The following CBX2 variants were observed in gnomAD, a reference collection of about 807,000 sequenced individuals.
CBX2 encodes the protein chromobox 2.
A neutral mutation model predicts 21.0 loss-of-function variants in CBX2; 11 were observed. The ratio of observed to expected loss-of-function variants is 0.52; its 90% CI spans 0.33 to 0.87. The LOEUF (loss-of-function observed/expected upper bound fraction) is 0.87. Ranked by LOEUF, CBX2 falls within the 40% of genes least tolerant of loss-of-function variation. CBX2 has a pLI of 0.02. For synonymous variants in CBX2, 364 were observed against 304.6 expected (o/e 1.19, Z -2.03); for missense variants, 746 against 724.3 (o/e 1.03, Z -0.34).
intron 3 of CBX2, among the ~76,000 whole-genome samples, chr17:79,780,999 C>G (rs1473083947): frequency 1.3e-5 from 2 of 151,964 alleles, no homozygotes; most frequent in African/African-American, 2.4e-5. Context: ...CAGGCTTTCC[C>G]TGGGGGCTGG....
chr17:79,781,886 T>C, intron 4 of CBX2, 85 bp downstream of exon 4: 1 of 1,614,136 alleles, frequency 6.2e-7, no homozygotes, highest in African/African-American at 1.3e-5. Context: ...TTTGGGGCCC[T>C]CAGGAAGGGG....
In CBX2 at chr17:79,782,689, TG is replaced by T. The variant is rs140556678; in HGVS notation, c.288+893del. ...AAAATCTTCCTTTTGAGCAGGATTG[TG>T]GGGGCTGCAGGAGTTCTGCTGACTG... On this transcript the variant is annotated intron_variant, in intron 4 of 4. Transcript: ENST00000310942. Among the ~76,000 whole-genome samples the T allele has an allele frequency of 4.9e-3, 749 of 152,222 alleles. 6 individuals carry two copies. The highest frequency in any genetic ancestry group is 0.017 in the African/African-American group (716 of 41,544).
At position 79,778,163 on chromosome 17, in the gene CBX2, G is replaced by T. The variant is rs1229006286; in HGVS notation, c.-73G>T. On this transcript the variant is annotated 5_prime_UTR_variant, in exon 1 of 5. Transcript: ENST00000310942. This position sits in a 1 kb window ranked among gnomAD's most constrained non-coding sequence, Gnocchi z 4.8. ...GGGCGGGGGCGGTGCTTTGTGTGCT[G>T]CCGGCGGGGCGCGCGGCGGTCCGGG... 7.8e-6 allele frequency: 7 copies of T among 899,792 alleles called. No homozygotes were observed. Among genetic ancestry groups the T allele is most frequent in the African/African-American group, 5.4e-5 (3 of 55,414 alleles). 55.7% of individuals were successfully genotyped at this position (899,792 alleles called of 1,614,324 possible). A position where few individuals can be genotyped will look rare whatever the true frequency, so the allele number is the denominator to read the frequency against.
Position 79,778,203 on chromosome 17 carries a change from C to G in CBX2, c.-33C>G. The G allele has an allele frequency of 1.6e-6, 2 of 1,276,746 alleles. No individual in the cohort carries two copies. The highest frequency in any genetic ancestry group is 3.1e-5 in the African/African-American group (2 of 63,668). The allele number at this position is 1,276,746 out of a possible 1,614,324, so 79.1% of individuals were successfully genotyped here. A position where few individuals can be genotyped will look rare whatever the true frequency, so the allele number is the denominator to read the frequency against. On this transcript the variant is annotated 5_prime_UTR_variant, in exon 1 of 5. Coordinates refer to ENST00000310942, the MANE Select transcript of CBX2 (RefSeq NM_005189.3). The surrounding 1 kb of genome is among the most constrained non-coding windows in gnomAD (Gnocchi z 4.8). ...GGCGGTCCGGGCGGGTGACTGGCGGCGGGCGCCGCGGTCGGGCTGGCTGCC... is the reference window on the plus strand; with the variant it reads ...GGCGGTCCGGGCGGGTGACTGGCGGGGGGCGCCGCGGTCGGGCTGGCTGCC...
chr17:79,779,243 A>G (rs549152303), intron 2 of CBX2, 119 bp from the exon 3 acceptor site: 97 of 904,484 alleles, frequency 1.1e-4, no homozygotes, highest in South Asian at 7.5e-4. Flanking sequence ...CCATGGTGCT[A>G]CGGTGCCACT....
rs1418253407 is a variant in CBX2 at position 79,778,320 on chromosome 17, C to T, written c.72+13C>T. On this transcript the variant is annotated intron_variant, in intron 1 of 4. Transcript: ENST00000310942. This position sits in a 1 kb window ranked among gnomAD's most constrained non-coding sequence, Gnocchi z 4.8. Reference sequence around the variant, plus strand: ...GCGGCTCCGCAAGGTGCGTGCGGCCCGCCGGGCCCCCCGCCCGCCGCCCGC... The same window carrying T: ...GCGGCTCCGCAAGGTGCGTGCGGCCTGCCGGGCCCCCCGCCCGCCGCCCGC... The T allele has an allele frequency of 1.2e-5, 19 of 1,562,998 alleles. No individual in the cohort carries two copies. The East Asian group carries it at 3.0e-4, about 25-fold the overall frequency.
In CBX2 at chr17:79,787,616, C is replaced by T. The variant is rs1309827285; in HGVS notation, c.*2574C>T. On this transcript the variant is annotated 3_prime_UTR_variant, in exon 5 of 5. Coordinates refer to ENST00000310942, the MANE Select transcript of CBX2 (RefSeq NM_005189.3). ...TGTTTGTGTTTGTGTAGCTAGGTAT[C>T]TGGCACTTCTGACGATGCATTGTTG... 1 of 152,398 alleles carries T rather than the reference C, an allele frequency of 6.6e-6. No individual in the cohort carries two copies. The highest frequency in any genetic ancestry group is 1.5e-5 in the Non-Finnish European group (1 of 68,020). The allele number at this position is 152,398 out of a possible 1,614,324, so 9.4% of individuals were successfully genotyped here.
In CBX2 at chr17:79,782,531, T is replaced by C. The variant is rs1367466061; in HGVS notation, c.288+730T>C. The C allele has an allele frequency of 5.4e-6, 6 of 1,115,946 alleles. No individual in the cohort carries two copies. In the East Asian group the frequency reaches 2.5e-4, roughly 47 times the overall value. The allele number at this position is 1,115,946 out of a possible 1,614,324, so 69.1% of individuals were successfully genotyped here. On this transcript the variant is annotated intron_variant, in intron 4 of 4. Coordinates refer to ENST00000310942, the MANE Select transcript of CBX2 (RefSeq NM_005189.3). ...GATTCCCTCCTCCGGGCACTGTCCCTGGACCTTCGCGTGTTGTGGCCACGA... is the reference window on the plus strand; with the variant it reads ...GATTCCCTCCTCCGGGCACTGTCCCCGGACCTTCGCGTGTTGTGGCCACGA...
chr17:79,783,475 T>C (rs1278874402), intron 4 of CBX2, among the ~76,000 whole-genome samples: 1 of 151,442 alleles, frequency 6.6e-6, no homozygotes, highest in African/African-American at 2.4e-5. Flanking sequence ...AGTGGCACAA[T>C]CTTGGCTCAC....
rs115374900 is a variant in CBX2 at position 79,781,575 on chromosome 17, C to T, written c.183-121C>T. ...CCTTGGGTATTTGATGATGTGTTTG[C>T]GGCAAACAGGATAAGCTATTACAGG... On this transcript the variant is annotated intron_variant, in intron 3 of 4. Transcript: ENST00000310942. 2,490 of 861,980 alleles carry T rather than the reference C, an allele frequency of 2.9e-3. 49 individuals carry two copies. In the African/African-American group the frequency reaches 0.036, roughly 13 times the overall value. The allele number at this position is 861,980 out of a possible 1,614,324, so 53.4% of individuals were successfully genotyped here.
At chr17:79,783,639 A>C (rs1907398967) in intron 4 of CBX2, 93 bp from the exon 5 acceptor site, 1 of 1,086,498 alleles carries the variant, frequency 9.2e-7, no homozygotes, top group Non-Finnish European at 1.4e-6. Context: ...TGAACTCCTG[A>C]CCTCAGGTGA....
upstream of CBX2, among the ~76,000 whole-genome samples, chr17:79,777,917 GCCCCCA>G (rs1308167126): frequency 1.4e-5 from 2 of 142,786 alleles, no homozygotes; most frequent in African/African-American, 5.3e-5. Flanking sequence ...GCCCGCCCGC[GCCCCCA>G]CCCCCGCCCC....
chr17:79,778,552 G>A lies in CBX2; in HGVS notation c.116+125G>A. ...GCGGGCAGAGCGGGAAGTTCGCGGG[G>A]TCCCCGCGGGCTCCTCCGGCTCTGA... is the stretch of plus-strand genomic sequence containing the variant. On this transcript the variant is annotated intron_variant, in intron 2 of 4. Coordinates refer to ENST00000310942, the MANE Select transcript of CBX2 (RefSeq NM_005189.3). This position sits in a 1 kb window ranked among gnomAD's most constrained non-coding sequence, Gnocchi z 4.8. 1.9e-6 allele frequency: 1 copy of A among 526,752 alleles called. No individual in the cohort carries two copies. The highest frequency in any genetic ancestry group is 3.1e-6 in the Non-Finnish European group (1 of 327,694). 32.6% of individuals were successfully genotyped at this position (526,752 alleles called of 1,614,324 possible). A position where few individuals can be genotyped will look rare whatever the true frequency, so the allele number is the denominator to read the frequency against.
Position 79,778,168 on chromosome 17 carries a change from C to A in CBX2, c.-68C>A. The A allele has an allele frequency of 2.1e-6, 2 of 937,028 alleles. No individual in the cohort carries two copies. The highest frequency in any genetic ancestry group is 1.8e-5 in the African/African-American group (1 of 56,194). 58.0% of individuals were successfully genotyped at this position (937,028 alleles called of 1,614,324 possible). ...GGGGCGGTGCTTTGTGTGCTGCCGG[C>A]GGGGCGCGCGGCGGTCCGGGCGGGT... On this transcript the variant is annotated 5_prime_UTR_variant, in exon 1 of 5. Transcript: ENST00000310942. The surrounding 1 kb of genome is among the most constrained non-coding windows in gnomAD (Gnocchi z 4.8).
intron 4 of CBX2, chr17:79,782,084 C>G (rs370022029): frequency 1.9e-6 from 3 of 1,613,722 alleles, no homozygotes; most frequent in Admixed American, 1.7e-5. Flanking sequence ...CTGCTGCAGA[C>G]AAGCACTCTT....
chr17:79,784,571 CGCCACCAAGGGTGTCCCG>C lies in CBX2; in HGVS notation c.1137_1154del (p.Lys379_Thr384del), dbSNP rs1401401344. On this transcript the variant is annotated inframe_deletion, in exon 5 of 5. Transcript: ENST00000310942. The surrounding 1 kb of genome is among the most constrained non-coding windows in gnomAD (Gnocchi z 5.9). Reference sequence around the variant, plus strand: ...TGGGTCTCCTTGCCCGCCACGCCACCGCCACCAAGGGTGTCCCGGCCACCAACCCAGCCCCTGGGAAGG... The same window carrying C: ...TGGGTCTCCTTGCCCGCCACGCCACCGCCACCAACCCAGCCCCTGGGAAGG... 2 of 1,612,506 alleles carry C rather than the reference CGCCACCAAGGGTGTCCCG, an allele frequency of 1.2e-6. No individual in the cohort carries two copies. The highest frequency in any genetic ancestry group is 1.3e-5 in the African/African-American group (1 of 74,902).
In CBX2 at chr17:79,784,324, C is replaced by T. The variant is rs782164263; in HGVS notation, c.881C>T (p.Thr294Met). Residue 294 changes from threonine (T) to methionine (M), a missense_variant, in exon 5 of 5, where the codon ACG becomes ATG. This residue lies in a region of CBX2 where 701 missense variants were observed against 650.7 expected (regional missense o/e 1.08). Coordinates refer to ENST00000310942, the MANE Select transcript of CBX2 (RefSeq NM_005189.3). This position sits in a 1 kb window ranked among gnomAD's most constrained non-coding sequence, Gnocchi z 5.9. ...CGLGLDLKVR[T>M]QKGELGMSPP... ...CTCGGGCTGGACCTGAAGGTGAGGA[C>T]GCAGAAAGGGGAGCTGGGAATGAGC... 54 of 1,613,104 alleles carry T rather than the reference C, an allele frequency of 3.3e-5. No homozygotes were observed. Among genetic ancestry groups the T allele is most frequent in the Non-Finnish European group, 4.2e-5 (50 of 1,179,948 alleles).
upstream of CBX2, among the ~76,000 whole-genome samples, chr17:79,777,777 G>C (rs1157226078): frequency 5.3e-5 from 8 of 151,248 alleles, no homozygotes; most frequent in African/African-American, 1.2e-4. Flanking sequence ...CCCTCCCTTC[G>C]GGCCAGAACA....
At position 79,778,173 on chromosome 17, in the gene CBX2, C is replaced by A; in HGVS notation, c.-63C>A. 2.0e-6 allele frequency: 2 copies of A among 986,494 alleles called. No homozygotes were observed. The highest frequency in any genetic ancestry group is 1.3e-6 in the Non-Finnish European group (1 of 784,234). The allele number at this position is 986,494 out of a possible 1,614,324, so 61.1% of individuals were successfully genotyped here. Reference sequence around the variant, plus strand: ...GGTGCTTTGTGTGCTGCCGGCGGGGCGCGCGGCGGTCCGGGCGGGTGACTG... The same window carrying A: ...GGTGCTTTGTGTGCTGCCGGCGGGGAGCGCGGCGGTCCGGGCGGGTGACTG... On this transcript the variant is annotated 5_prime_UTR_variant, in exon 1 of 5. Transcript: ENST00000310942. This position sits in a 1 kb window ranked among gnomAD's most constrained non-coding sequence, Gnocchi z 4.8.
Sources: gnomAD v4.1 joint callset for allele counts (sites outside exome capture counted in the v4.1 genomes callset) on GRCh38, gnomAD v4.1.1 for gene constraint, gnomAD v4.1.1 regional missense constraint, Gnocchi (gnomAD v3.1) non-coding constraint, MANE v1.5 for transcripts, NCBI Gene and HGNC (gene_info 2026-07-23, HGNC 2026-07-21) for gene names.